Variants in SCAMP2 observed in about 807,000 individuals in gnomAD.
SCAMP2 encodes secretory carrier membrane protein 2.
A neutral mutation model predicts 44.1 loss-of-function variants in SCAMP2; 25 were observed. That is an observed-to-expected ratio of 0.57 (90% CI 0.41 to 0.79). The LOEUF (loss-of-function observed/expected upper bound fraction) is 0.79. Among genes scored for constraint, SCAMP2 ranks in the 30% least tolerant of loss-of-function variants. The probability of loss-of-function intolerance (pLI) is 0.00; values close to 1 mark genes in which losing one functional copy is unlikely to be tolerated. For missense variants in SCAMP2, 355 were observed against 411.0 expected (o/e 0.86, Z 1.18); for synonymous variants, 156 against 166.0 (o/e 0.94, Z 0.46).
At position 74,852,197 on chromosome 15, in the gene SCAMP2, C is replaced by T; in HGVS notation, c.226-11G>A. The T allele has an allele frequency of 6.7e-7, 1 of 1,492,478 alleles. No homozygotes were observed. Among genetic ancestry groups the T allele is most frequent in the Non-Finnish European group, 8.9e-7 (1 of 1,117,928 alleles). The allele number at this position is 1,492,478 out of a possible 1,614,324, so 92.5% of individuals were successfully genotyped here. ...TGCAGACACCACGGCCTGGAGAGAA[C>T]AGGGGAGGTACAGGGACAGCCAGAC... On this transcript the variant is annotated splice_polypyrimidine_tract_variant and intron_variant, in intron 3 of 8. Transcript: ENST00000268099.
At chr15:74,856,458 A>G (rs1245488933) in intron 1 of SCAMP2, among the ~76,000 whole-genome samples, 1 of 151,316 alleles carries the variant, frequency 6.6e-6, no homozygotes, top group East Asian at 1.9e-4. Context: ...TATTTTTAGT[A>G]GAGATGGGGT....
At chr15:74,866,925 T>C (rs2141182067) in intron 1 of SCAMP2, among the ~76,000 whole-genome samples, 1 of 151,854 alleles carries the variant, frequency 6.6e-6, no homozygotes, top group Non-Finnish European at 1.5e-5. Flanking sequence ...GCCTCCCGAG[T>C]AGCTGGAACT....
intron 5 of SCAMP2, 106 bp from the exon 6 acceptor site, chr15:74,850,779 G>C: frequency 8.0e-7 from 1 of 1,243,656 alleles, no homozygotes; most frequent in East Asian, 2.4e-5. Flanking sequence ...TGCGAAGGCA[G>C]CTGCTGAAAC....
Position 74,856,264 on chromosome 15 carries a change from CTT to C in SCAMP2, c.58-1617_58-1616del, listed in dbSNP as rs34812536. ...ACTGGAAGCCTCTGCAGAGCCAGTT[CTT>C]TTTTTTTTTTTTTTTTTTTTTTTTT... On this transcript the variant is annotated intron_variant, in intron 1 of 8. Coordinates refer to ENST00000268099, the MANE Select transcript of SCAMP2 (RefSeq NM_005697.5). 8.8e-3 allele frequency among the ~76,000 whole-genome samples: 530 copies of C among 60,374 alleles called. 5 individuals carry two copies. The highest frequency in any genetic ancestry group is 0.031 in the African/African-American group (459 of 14,688). 39.6% of individuals were successfully genotyped at this position (60,374 alleles called of 152,430 possible). A position where few individuals can be genotyped will look rare whatever the true frequency, so the allele number is the denominator to read the frequency against.
chr15:74,848,716 G>A lies in SCAMP2; in HGVS notation c.633-15C>T, dbSNP rs377369547. The A allele has an allele frequency of 6.3e-7, 1 of 1,585,880 alleles. No homozygotes were observed. Among genetic ancestry groups the A allele is most frequent in the South Asian group, 1.1e-5 (1 of 90,186 alleles). On this transcript the variant is annotated splice_polypyrimidine_tract_variant and intron_variant, in intron 6 of 8. Transcript: ENST00000268099. The stretch of plus-strand genomic sequence containing the variant: ...AGTTGTCGGACCTGTGGAGAGAGAG[G>A]GAAATAAGTCACAAGAGGGCTTGGG...
rs1374508546 is a variant in SCAMP2, at chr15:74,846,771, TA to T, written c.735-1179del. ...CAGAGACTCCATCTCAAAAAATAAT[TA>T]ATTAAAAAGGTAGCACTGGGCCGGG... On this transcript the variant is annotated intron_variant, in intron 7 of 8. Coordinates refer to ENST00000268099, the MANE Select transcript of SCAMP2 (RefSeq NM_005697.5). Among the ~76,000 whole-genome samples the T allele has an allele frequency of 3.9e-5, 6 of 151,966 alleles. 1 individual carries two copies. The highest frequency in any genetic ancestry group is 1.3e-4 in the Admixed American group (2 of 15,264).
chr15:74,847,199 C>G (rs902629284), intron 7 of SCAMP2, among the ~76,000 whole-genome samples: 16 of 143,750 alleles, frequency 1.1e-4, no homozygotes, highest in African/African-American at 4.1e-4. Context: ...TCAAGTGATT[C>G]TTCTGCCTCA....
chr15:74,859,666 G>C (rs2064490276), intron 1 of SCAMP2, among the ~76,000 whole-genome samples: 1 of 147,916 alleles, frequency 6.8e-6, no homozygotes, highest in Non-Finnish European at 1.5e-5. Flanking sequence ...GCCCAGGCTG[G>C]AGTGCAGTGG....
Position 74,873,306 on chromosome 15 carries a change from A to T in SCAMP2, c.-51T>A. The T allele has an allele frequency of 6.9e-7, 1 of 1,452,238 alleles. No individual in the cohort carries two copies. Among genetic ancestry groups the T allele is most frequent in the Non-Finnish European group, 9.1e-7 (1 of 1,104,488 alleles). 90.0% of individuals were successfully genotyped at this position (1,452,238 alleles called of 1,614,324 possible). A position where few individuals can be genotyped will look rare whatever the true frequency, so the allele number is the denominator to read the frequency against. On this transcript the variant is annotated 5_prime_UTR_variant, in exon 1 of 9. Coordinates refer to ENST00000268099, the MANE Select transcript of SCAMP2 (RefSeq NM_005697.5). Reference sequence around the variant, plus strand: ...TCCGCGAACGCTGCTGCCTCCGGGCACCCAGACCCAGCGGCGCTTCGTGTA... The same window carrying T: ...TCCGCGAACGCTGCTGCCTCCGGGCTCCCAGACCCAGCGGCGCTTCGTGTA...
chr15:74,846,728 G>C (rs1399676123), intron 7 of SCAMP2, among the ~76,000 whole-genome samples: 2 of 152,166 alleles, frequency 1.3e-5, no homozygotes, highest in Non-Finnish European at 2.9e-5. Flanking sequence ...TCGCGGCACT[G>C]CACTCCAGTC....
At chr15:74,854,174 G>A (rs1011976331) in intron 2 of SCAMP2, 55 bp from the exon 3 acceptor site, 34 of 1,497,948 alleles carry the variant, frequency 2.3e-5, no homozygotes, top group Admixed American at 1.2e-4. Context: ...AGCTGGTGAC[G>A]AGGGGGCAAA....
At chr15:74,860,071 G>A (rs2064492920) in intron 1 of SCAMP2, among the ~76,000 whole-genome samples, 1 of 151,992 alleles carries the variant, frequency 6.6e-6, no homozygotes, top group Non-Finnish European at 1.5e-5. Flanking sequence ...GATCAGCCTG[G>A]GCAACATAGC....
chr15:74,848,234 A>AT (rs1185365486), intron 7 of SCAMP2, among the ~76,000 whole-genome samples: 1 of 151,926 alleles, frequency 6.6e-6, no homozygotes, highest in Non-Finnish European at 1.5e-5. Flanking sequence ...CAACAGGCTA[A>AT]TTTTTTTAAT....
chr15:74,849,607 G>A (rs2064421982), intron 6 of SCAMP2, among the ~76,000 whole-genome samples: 1 of 152,168 alleles, frequency 6.6e-6, no homozygotes, highest in Admixed American at 6.5e-5. Context: ...AGCCAGGTGT[G>A]ATTGTGTGTG....
intron 1 of SCAMP2, among the ~76,000 whole-genome samples, chr15:74,865,341 A>C (rs1596423991): frequency 6.6e-6 from 1 of 150,538 alleles, no homozygotes; most frequent in South Asian, 2.1e-4. Flanking sequence ...AGATAGCACC[A>C]CTGCACTCCA....
chr15:74,845,555 G>A lies in SCAMP2; in HGVS notation c.773C>T (p.Ser258Phe). The change falls in exon 8 of 9, where the codon TCC (serine) becomes TTC (phenylalanine). Residue 258 changes from serine (S) to phenylalanine (F), a missense_variant. Transcript: ENST00000268099. ...CATCATGATGACTGATATGGCCAGG[G>A]AATGATTATCCAGTGTAGACAGGGC... is the stretch of plus-strand genomic sequence containing the variant. The part of the protein sequence containing the change: ...IAALSTLDNH[S>F]LAISVIMMVV... 1 of 1,614,142 alleles carries A rather than the reference G, an allele frequency of 6.2e-7. No homozygotes were observed. Among genetic ancestry groups the A allele is most frequent in the Non-Finnish European group, 8.5e-7 (1 of 1,180,018 alleles).
chr15:74,851,397 G>A lies in SCAMP2; in HGVS notation c.428C>T (p.Ala143Val). ...CATCTTGCATATCCGCTGGTAGTCGGCAGGGATCTCTGTGGAGAAATCCTG... is the reference window on the plus strand; with the variant it reads ...CATCTTGCATATCCGCTGGTAGTCGACAGGGATCTCTGTGGAGAAATCCTG... ...FYQDFSTEIP[A>V]DYQRICKMLY... Residue 143 changes from alanine to valine, a missense_variant, in exon 5 of 9, where the codon GCC (alanine) becomes GTC (valine). Transcript: ENST00000268099. 6.2e-7 allele frequency: 1 copy of A among 1,614,092 alleles called. No individual in the cohort carries two copies. Among genetic ancestry groups the A allele is most frequent in the Non-Finnish European group, 8.5e-7 (1 of 1,179,946 alleles).
chr15:74,862,291 T>TAAAAA (rs2064511740), intron 1 of SCAMP2, among the ~76,000 whole-genome samples: 1 of 20,170 alleles, frequency 5.0e-5, no homozygotes, highest in African/African-American at 2.0e-4. Context: ...AAAAAAAAAT[T>TAAAAA]CCTGGCCAGG....
chr15:74,849,447 C>T (rs1768132939), intron 6 of SCAMP2, among the ~76,000 whole-genome samples: 1 of 151,228 alleles, frequency 6.6e-6, no homozygotes, highest in South Asian at 2.1e-4. Context: ...GATTCTGTCT[C>T]AAAAAAACAA....
Sources: allele counts gnomAD v4.1 joint callset (sites outside exome capture counted in the v4.1 genomes callset), GRCh38; gene constraint gnomAD v4.1.1; transcripts MANE v1.5; gene names NCBI Gene and HGNC (gene_info 2026-07-23, HGNC 2026-07-21).